Variants in DNAAF9 observed in about 807,000 individuals in gnomAD.
DNAAF9 encodes the protein shulin.
A neutral mutation model predicts 167.0 loss-of-function variants in DNAAF9; 90 were observed. The ratio of observed to expected loss-of-function variants is 0.54; its 90% confidence interval spans 0.45 to 0.64. The LOEUF is 0.64. Among genes scored for constraint, DNAAF9 ranks in the 30% least tolerant of loss-of-function variants. The pLI is 0.00. For synonymous variants in DNAAF9, 491 were observed against 508.8 expected, an observed-to-expected ratio of 0.96 and a Z score of 0.47; for missense variants, 1,315 against 1,442.2, an observed-to-expected ratio of 0.91 and a Z score of 1.43.
At chr20:3,337,427 G>A (rs894208442) in intron 10 of DNAAF9, among the ~76,000 whole-genome samples, 9 of 130,686 alleles carry the variant, frequency 6.9e-5, no homozygotes, top group Non-Finnish European at 1.5e-4. Context: ...CCACGCCCAG[G>A]TTCTTTTTTT....
intron 20 of DNAAF9, among the ~76,000 whole-genome samples, chr20:3,310,062 C>T (rs1312453700): frequency 6.6e-6 from 1 of 151,858 alleles, no homozygotes; most frequent in Non-Finnish European, 1.5e-5. Flanking sequence ...CATGGTGGTG[C>T]ATGTCTGTAA....
intron 27 of DNAAF9, among the ~76,000 whole-genome samples, chr20:3,282,179 T>G (rs1219869088): frequency 6.6e-6 from 1 of 152,136 alleles, no homozygotes; most frequent in Non-Finnish European, 1.5e-5. Flanking sequence ...AGAGAGTGCG[T>G]CCGGACCCAT....
At chr20:3,342,432 A>G (rs1047960919) in intron 9 of DNAAF9, among the ~76,000 whole-genome samples, 2 of 152,120 alleles carry the variant, frequency 1.3e-5, no homozygotes, top group African/African-American at 4.8e-5. Flanking sequence ...TATAAACTTT[A>G]TGAGGGCAGT....
intron 10 of DNAAF9, among the ~76,000 whole-genome samples, chr20:3,339,539 T>G (rs966858278): frequency 3.3e-5 from 5 of 152,198 alleles, no homozygotes; most frequent in Admixed American, 2.0e-4. Context: ...TTCTTTGGGT[T>G]CCCTGTGAAC....
chr20:3,313,369 T>C (rs930794362), intron 20 of DNAAF9, among the ~76,000 whole-genome samples: 9 of 152,132 alleles, frequency 5.9e-5, no homozygotes, highest in African/African-American at 2.2e-4. Context: ...TTGTCTTCTG[T>C]GTGAATGAAG....
At chr20:3,384,206 A>G (rs1417870845) in intron 1 of DNAAF9, 1 of 152,182 alleles carries the variant, frequency 6.6e-6, no homozygotes. Flanking sequence ...ATGTGATATC[A>G]AAACTAGACA....
intron 21 of DNAAF9, among the ~76,000 whole-genome samples, chr20:3,300,059 C>G (rs1001515175): frequency 3.9e-5 from 6 of 152,242 alleles, no homozygotes; most frequent in African/African-American, 1.4e-4. Context: ...CATGCCACCA[C>G]ACTTGCCTAA....
intron 7 of DNAAF9, among the ~76,000 whole-genome samples, chr20:3,356,893 C>G (rs563447285): frequency 6.6e-6 from 1 of 151,548 alleles, no homozygotes; most frequent in Non-Finnish European, 1.5e-5. Context: ...TCAACTATAA[C>G]AAGGGCATGA....
In DNAAF9 at chr20:3,395,134, AT is replaced by A. The variant is rs1225299647; in HGVS notation, c.83+12340del. Among the ~76,000 whole-genome samples, 455 of 143,170 alleles carry A rather than the reference AT, an allele frequency of 3.2e-3. 25 individuals carry two copies. The highest frequency in any genetic ancestry group is 0.011 in the African/African-American group (418 of 37,834). The allele number at this position is 143,170 out of a possible 152,430, so 93.9% of individuals were successfully genotyped here. On this transcript the variant is annotated intron_variant, in intron 1 of 36. Transcript: ENST00000252032. ...AGGCGTGCGCCACCATGCCCGGCTA[AT>A]TTTTTTTTTGTATTTTTAGTAGAGA... is the stretch of plus-strand genomic sequence containing the variant.
chr20:3,267,727 A>G (rs1290815695), intron 30 of DNAAF9, among the ~76,000 whole-genome samples: 2 of 152,006 alleles, frequency 1.3e-5, no homozygotes, highest in African/African-American at 4.8e-5. Context: ...CCCAGCTACT[A>G]GGGAGGCTGG....
At chr20:3,395,036 C>A (rs1335565098) in intron 1 of DNAAF9, among the ~76,000 whole-genome samples, 1 of 129,374 alleles carries the variant, frequency 7.7e-6, no homozygotes, top group South Asian at 2.4e-4. Context: ...GGCGCGATCT[C>A]GACTCACTGC....
chr20:3,332,900 G>GGTGTGGTGTGT (rs2069863742), intron 10 of DNAAF9, among the ~76,000 whole-genome samples: 2 of 146,840 alleles, frequency 1.4e-5, no homozygotes, highest in South Asian at 2.2e-4. Context: ...GTGTGCGTGT[G>GGTGTGGTGTGT]GTGTGTGTGT....
intron 1 of DNAAF9, among the ~76,000 whole-genome samples, chr20:3,387,922 C>T (rs907165988): frequency 7.9e-6 from 1 of 126,364 alleles, no homozygotes; most frequent in African/African-American, 3.1e-5. Flanking sequence ...AAAAATTAGC[C>T]GGATGTGGTA....
At chr20:3,348,977 CT>C (rs1237214160) in intron 7 of DNAAF9, among the ~76,000 whole-genome samples, 3 of 152,034 alleles carry the variant, frequency 2.0e-5, no homozygotes, top group Non-Finnish European at 2.9e-5. Context: ...AAAATGTTCT[CT>C]GTAAATTCAC....
At chr20:3,254,046 C>T (rs1244677168) in intron 35 of DNAAF9, among the ~76,000 whole-genome samples, 1 of 152,120 alleles carries the variant, frequency 6.6e-6, no homozygotes, top group Non-Finnish European at 1.5e-5. Context: ...CCACGGTGTG[C>T]AGTGGTACTG....
intron 10 of DNAAF9, 57 bp from the exon 11 acceptor site, chr20:3,332,418 T>C (rs1334801826): frequency 7.0e-6 from 6 of 857,268 alleles, no homozygotes; most frequent in East Asian, 2.4e-5. Context: ...CATGTACTAG[T>C]AGATAAACAA....
chr20:3,397,323 G>GTTTTGTTTTTTGT (rs1555800886), intron 1 of DNAAF9, among the ~76,000 whole-genome samples: 1 of 150,568 alleles, frequency 6.6e-6, no homozygotes, highest in Non-Finnish European at 1.5e-5. Flanking sequence ...GTTTTGTTTT[G>GTTTTGTTTTTTGT]TTTTTTGTTT....
At chr20:3,308,341 CTTTT>C (rs35610785) in intron 20 of DNAAF9, among the ~76,000 whole-genome samples, 1 of 105,394 alleles carries the variant, frequency 9.5e-6, no homozygotes, top group Non-Finnish European at 1.9e-5. Context: ...CAAAACTTTA[CTTTT>C]TTTTTTTTTT....
rs386393120 is a variant in DNAAF9, at chr20:3,268,897, C to CTTT, written c.2786+1527_2786+1529dup. On this transcript the variant is annotated intron_variant, in intron 30 of 36. Transcript: ENST00000252032. ...GTAAAGAGATAATATCTCTATGTTA[C>CTTT]TTTTTTTTTTTTTTTTTTTTTTTTG... is the stretch of plus-strand genomic sequence containing the variant. Among the ~76,000 whole-genome samples the CTTT allele has an allele frequency of 2.7e-4, 23 of 85,836 alleles. 2 individuals carry two copies. Among genetic ancestry groups the CTTT allele is most frequent in the South Asian group, 3.9e-4 (1 of 2,582 alleles). 56.3% of individuals were successfully genotyped at this position (85,836 alleles called of 152,430 possible). A position where few individuals can be genotyped will look rare whatever the true frequency, so the allele number is the denominator to read the frequency against.
Sources: gnomAD v4.1 joint callset for allele counts (sites outside exome capture counted in the v4.1 genomes callset) on GRCh38, gnomAD v4.1.1 for gene constraint, MANE v1.5 for transcripts, NCBI Gene and HGNC (gene_info 2026-07-23, HGNC 2026-07-21) for gene names.